Variants in PTPRD observed in about 807,000 individuals in gnomAD.
PTPRD encodes receptor-type tyrosine-protein phosphatase delta.
A neutral mutation model predicts 214.5 loss-of-function variants in PTPRD; 34 were observed. The observed-to-expected ratio is 0.16, with a 90% CI of 0.12 to 0.21. The LOEUF (loss-of-function observed/expected upper bound fraction) is 0.21, where lower values mean the gene tolerates loss of function less well. PTPRD is among the 10% of genes least tolerant of loss of function. PTPRD has a pLI of 1.00. For missense variants in PTPRD, 2,545 were observed against 2,398.7 expected, an observed-to-expected ratio of 1.06 and a Z score of -1.27; for synonymous variants, 1,128 against 845.7, an observed-to-expected ratio of 1.33 and a Z score of -5.79.
intron 5 of PTPRD, among the ~76,000 whole-genome samples, chr9:9,903,384 G>C (rs1173687537): frequency 6.6e-6 from 1 of 152,088 alleles, no homozygotes; most frequent in Admixed American, 6.6e-5. Context: ...CTCTGTGCCT[G>C]TTGCCACATT....
chr9:8,725,332 G>T (rs1319312710), intron 12 of PTPRD, among the ~76,000 whole-genome samples: 1 of 152,130 alleles, frequency 6.6e-6, no homozygotes, highest in Non-Finnish European at 1.5e-5. Flanking sequence ...AAGCTTTTTA[G>T]GGGCAGGGAT....
intron 12 of PTPRD, among the ~76,000 whole-genome samples, chr9:8,726,570 A>C (rs898088107): frequency 2.3e-4 from 1 of 4,306 alleles, no homozygotes; most frequent in Non-Finnish European, 4.2e-4. Context: ...GGTCTCTACT[A>C]AAAAAAAAAA....
At position 9,014,176 on chromosome 9, in the gene PTPRD, C is replaced by CA. The variant is rs754955817; in HGVS notation, c.-104+4520_-104+4521insT. ...AACTGTTTGGTCCATGCTATTACCT[C>CA]GTTTTTTTTTGTTTGTTTGTTTGTT... On this transcript the variant is annotated intron_variant, in intron 11 of 45. Transcript: ENST00000381196. Among the ~76,000 whole-genome samples, 806 of 123,096 alleles carry CA rather than the reference C, an allele frequency of 6.5e-3. 31 individuals carry two copies. The East Asian group carries it at 0.11, about 17-fold the overall frequency. 80.8% of individuals were successfully genotyped at this position (123,096 alleles called of 152,430 possible).
At chr9:8,862,567 G>A (rs1484007375) in intron 11 of PTPRD, among the ~76,000 whole-genome samples, 1 of 152,206 alleles carries the variant, frequency 6.6e-6, no homozygotes, top group East Asian at 1.9e-4. Flanking sequence ...GAAATCACCT[G>A]TTCTGATTCC....
At chr9:10,410,455 T>C (rs1245336622) in intron 2 of PTPRD, among the ~76,000 whole-genome samples, 1 of 151,246 alleles carries the variant, frequency 6.6e-6, no homozygotes, top group Non-Finnish European at 1.5e-5. Context: ...TAGTTTGCCT[T>C]TGATAATTAT....
At chr9:9,910,174 C>A (rs559484555) in intron 5 of PTPRD, among the ~76,000 whole-genome samples, 1 of 151,934 alleles carries the variant, frequency 6.6e-6, no homozygotes, top group Admixed American at 6.6e-5. Flanking sequence ...AAGTTACATA[C>A]AAAGTACTCA....
intron 9 of PTPRD, among the ~76,000 whole-genome samples, chr9:9,293,675 T>C (rs1325902777): frequency 6.6e-6 from 1 of 151,522 alleles, no homozygotes; most frequent in Non-Finnish European, 1.5e-5. Context: ...TTCTAAGACC[T>C]CAGTGGATGT....
intron 5 of PTPRD, among the ~76,000 whole-genome samples, chr9:9,923,081 C>T (rs1007441643): frequency 2.7e-5 from 4 of 147,824 alleles, no homozygotes; most frequent in East Asian, 2.0e-4. Context: ...GACCATGTAA[C>T]GTAAAATGAC....
intron 12 of PTPRD, among the ~76,000 whole-genome samples, chr9:8,682,891 A>G (rs1212230414): frequency 2.6e-5 from 4 of 152,124 alleles, no homozygotes; most frequent in African/African-American, 9.7e-5. Context: ...ATTTTTTTGT[A>G]AGCGAGTTTC....
At chr9:8,607,587 G>A (rs1045074216) in intron 14 of PTPRD, among the ~76,000 whole-genome samples, 2 of 152,156 alleles carry the variant, frequency 1.3e-5, no homozygotes, top group African/African-American at 4.8e-5. Context: ...AAGTTGCACT[G>A]AGCCAAGACT....
At chr9:8,705,896 T>C (rs1196378637) in intron 12 of PTPRD, among the ~76,000 whole-genome samples, 1 of 152,218 alleles carries the variant, frequency 6.6e-6, no homozygotes, top group African/African-American at 2.4e-5. Context: ...CAGAGTTCTC[T>C]GAAAGCTCTA....
At chr9:9,376,209 A>T (rs1299236399) in intron 9 of PTPRD, among the ~76,000 whole-genome samples, 1 of 152,012 alleles carries the variant, frequency 6.6e-6, no homozygotes, top group Non-Finnish European at 1.5e-5. Flanking sequence ...ATTCAAAATC[A>T]TTTTTCTACT....
At chr9:8,480,201 A>G (rs2096851580) in intron 30 of PTPRD, among the ~76,000 whole-genome samples, 1 of 152,122 alleles carries the variant, frequency 6.6e-6, no homozygotes, top group Non-Finnish European at 1.5e-5. Flanking sequence ...ACGTGGCCAA[A>G]CAACAATTGC....
At chr9:9,950,108 C>T (rs1308929702) in intron 4 of PTPRD, among the ~76,000 whole-genome samples, 1 of 152,122 alleles carries the variant, frequency 6.6e-6, no homozygotes, top group Non-Finnish European at 1.5e-5. Flanking sequence ...TTTCCCTGGC[C>T]TTGTTTTTTG....
intron 11 of PTPRD, among the ~76,000 whole-genome samples, chr9:8,979,749 G>A (rs1219845301): frequency 6.6e-6 from 1 of 152,082 alleles, no homozygotes; most frequent in African/African-American, 2.4e-5. Context: ...AAATGTTGGT[G>A]ACTGGAGAAA....
At chr9:9,165,826 G>A (rs1188359766) in intron 10 of PTPRD, among the ~76,000 whole-genome samples, 1 of 152,098 alleles carries the variant, frequency 6.6e-6, no homozygotes, top group Non-Finnish European at 1.5e-5. Context: ...TATATCAAAA[G>A]ATACTGATGT....
At chr9:9,687,569 TA>T (rs2097187807) in intron 7 of PTPRD, among the ~76,000 whole-genome samples, 3 of 151,728 alleles carry the variant, frequency 2.0e-5, no homozygotes, top group Admixed American at 2.0e-4. Context: ...AATAACTTTT[TA>T]CATATGTTAC....
At chr9:10,224,456 G>C (rs946165654) in intron 3 of PTPRD, among the ~76,000 whole-genome samples, 1 of 151,822 alleles carries the variant, frequency 6.6e-6, no homozygotes. Context: ...TTCTTAAATG[G>C]TAGAAAAAAT....
intron 3 of PTPRD, among the ~76,000 whole-genome samples, chr9:10,127,817 C>G (rs1312159712): frequency 6.6e-6 from 1 of 152,102 alleles, no homozygotes; most frequent in Non-Finnish European, 1.5e-5. Context: ...ACATATTTCT[C>G]TAGATCAGTC....
Sources: allele counts gnomAD v4.1 joint callset (sites outside exome capture counted in the v4.1 genomes callset), GRCh38; gene constraint gnomAD v4.1.1; transcripts MANE v1.5; gene names NCBI Gene and HGNC (gene_info 2026-07-23, HGNC 2026-07-21).